Variants in ARHGEF3 observed in about 807,000 individuals in gnomAD.
ARHGEF3 encodes the protein 59.8 kDA protein.
In ARHGEF3, 28 loss-of-function variants were observed where a neutral mutation model predicts 63.2. That is an observed-to-expected ratio of 0.44 (90% confidence interval 0.33 to 0.61). ARHGEF3 has a LOEUF of 0.61. Among genes scored for constraint, ARHGEF3 ranks in the 20% least tolerant of loss-of-function variants. The probability of loss-of-function intolerance (pLI) is 0.03; values close to 1 mark genes in which losing one functional copy is unlikely to be tolerated. For missense variants in ARHGEF3, 533 were observed against 659.3 expected (o/e 0.81, Z 2.10); for synonymous variants, 266 against 254.2 (o/e 1.05, Z -0.44).
intron 4 of ARHGEF3, among the ~76,000 whole-genome samples, chr3:56,849,314 ATG>A (rs1309164596): frequency 1.3e-5 from 2 of 152,182 alleles, no homozygotes; most frequent in African/African-American, 4.8e-5. Context: ...TAAAAATTAC[ATG>A]TGTTTGATGA....
At chr3:56,953,071 C>T (rs1239973190) in intron 3 of ARHGEF3, among the ~76,000 whole-genome samples, 2 of 152,184 alleles carry the variant, frequency 1.3e-5, no homozygotes, top group East Asian at 1.9e-4. Context: ...TACTATCTAC[C>T]AGGCGGGACT....
intron 2 of ARHGEF3, among the ~76,000 whole-genome samples, chr3:57,016,507 C>T (rs969555646): frequency 6.6e-6 from 1 of 151,998 alleles, no homozygotes. Context: ...GAGATCGCAC[C>T]ACCGCACTCC....
At chr3:56,754,184 T>C (rs1180770311) in intron 3 of ARHGEF3, among the ~76,000 whole-genome samples, 11 of 151,990 alleles carry the variant, frequency 7.2e-5, no homozygotes, top group Non-Finnish European at 1.5e-4. Context: ...TGTGGAAGAG[T>C]AGGTAAATGG....
In ARHGEF3 at chr3:56,801,902, G is replaced by A; in HGVS notation, c.-104C>T. ...CAGCTCCACGATGCCGGGCGGCGGC[G>A]GCGACACGGAGACCGACAGCCGGCT... On this transcript the variant is annotated 5_prime_UTR_variant, in exon 1 of 10. Transcript: ENST00000296315. 1 of 1,545,586 alleles carries A rather than the reference G, an allele frequency of 6.5e-7. No individual in the cohort carries two copies. Among genetic ancestry groups the A allele is most frequent in the East Asian group, 2.4e-5 (1 of 40,878 alleles).
rs368918655 is a variant in ARHGEF3, at chr3:56,795,061, C to T, written c.96+6642G>A. 2.3e-4 allele frequency among the ~76,000 whole-genome samples: 34 copies of T among 149,884 alleles called. 1 individual carries two copies. In the South Asian group the frequency reaches 3.4e-3, roughly 15 times the overall value. On this transcript the variant is annotated intron_variant, in intron 1 of 9. Coordinates refer to ENST00000296315, the MANE Select transcript of ARHGEF3 (RefSeq NM_019555.3). ...TTTTTTTTTTTTAGAGATGGGGTCT[C>T]GCTGTGTTGCCCAGAATGGTCTCAA...
intron 2 of ARHGEF3, among the ~76,000 whole-genome samples, chr3:56,994,776 C>T (rs936947712): frequency 6.9e-6 from 1 of 144,992 alleles, no homozygotes; most frequent in Non-Finnish European, 1.5e-5. Context: ...GGAATGATGA[C>T]TGACTGATAT....
At chr3:56,762,182 C>T (rs1464505916) in intron 2 of ARHGEF3, among the ~76,000 whole-genome samples, 1 of 152,124 alleles carries the variant, frequency 6.6e-6, no homozygotes, top group Middle Eastern at 3.2e-3. Context: ...AAGAGGCCCA[C>T]CTCAAAGTGA....
At chr3:56,917,784 A>G (rs985553436) in intron 3 of ARHGEF3, among the ~76,000 whole-genome samples, 1 of 152,210 alleles carries the variant, frequency 6.6e-6, no homozygotes, top group African/African-American at 2.4e-5. Context: ...GTACTTTAAT[A>G]GGTCTGGAAG....
chr3:56,732,272 G>A lies in ARHGEF3; in HGVS notation c.1194C>T (p.Gly398=), dbSNP rs142595048. Residue 398 remains glycine (G), a synonymous_variant, in exon 9 of 10, where the codon GGC becomes GGT. Transcript: ENST00000296315. ...TGTTGCTGAATGCCCCTCGCAGGGAGCCACCCAGCCTCACTTCTCCATCCT... is the reference window on the plus strand; with the variant it reads ...TGTTGCTGAATGCCCCTCGCAGGGAACCACCCAGCCTCACTTCTCCATCCT... ...DLQDGEVRLG[G]SLRGAFSNNE... 778 of 1,614,058 alleles carry A rather than the reference G, an allele frequency of 4.8e-4. No homozygotes were observed. The highest frequency in any genetic ancestry group is 6.0e-4 in the Non-Finnish European group (703 of 1,180,042).
At chr3:56,812,983 A>G (rs566166425) in intron 4 of ARHGEF3, among the ~76,000 whole-genome samples, 1 of 152,352 alleles carries the variant, frequency 6.6e-6, no homozygotes, top group Admixed American at 6.5e-5. Context: ...TGTAAAGCCA[A>G]CATCATGTGG....
intron 1 of ARHGEF3, among the ~76,000 whole-genome samples, chr3:57,062,480 G>A (rs1055815723): frequency 6.6e-6 from 1 of 152,168 alleles, no homozygotes; most frequent in Non-Finnish European, 1.5e-5. Flanking sequence ...TCAGGAGCAT[G>A]GGGAAGCCTT....
chr3:57,075,747 T>A (rs1353753253), intron 1 of ARHGEF3, among the ~76,000 whole-genome samples: 7 of 152,090 alleles, frequency 4.6e-5, no homozygotes, highest in Non-Finnish European at 7.4e-5. Flanking sequence ...GAGGCAGATG[T>A]TGCAGTGAGC....
At chr3:57,062,389 C>G (rs1705271117) in intron 1 of ARHGEF3, among the ~76,000 whole-genome samples, 1 of 152,146 alleles carries the variant, frequency 6.6e-6, no homozygotes, top group African/African-American at 2.4e-5. Context: ...GGAGGGGAAC[C>G]ATGATAGGCC....
chr3:56,984,464 A>G (rs1286641029), intron 2 of ARHGEF3, among the ~76,000 whole-genome samples: 1 of 152,170 alleles, frequency 6.6e-6, no homozygotes, highest in East Asian at 1.9e-4. Context: ...GAGGTGGACA[A>G]GCCCCGCAAA....
rs1464963794 is a variant in ARHGEF3 at position 56,755,102 on chromosome 3, C to CG, written c.253dup (p.Arg85ProfsTer17). 2 of 1,613,842 alleles carry CG rather than the reference C, an allele frequency of 1.2e-6. No individual in the cohort carries two copies. Among genetic ancestry groups the CG allele is most frequent in the Admixed American group, 1.7e-5 (1 of 60,002 alleles). On this transcript the variant is annotated frameshift_variant, in exon 3 of 10. Transcript: ENST00000296315. LOFTEE classifies it high-confidence loss of function. Reference sequence around the variant, plus strand: ...GGGGGCGGCATTTCTGGACCAGGGTCGGGGGGCGAGGATGTCAGGGCGGCT... The same window carrying CG: ...GGGGGCGGCATTTCTGGACCAGGGTCGGGGGGGCGAGGATGTCAGGGCGGCT...
At chr3:56,935,901 T>A (rs1265837067) in intron 3 of ARHGEF3, among the ~76,000 whole-genome samples, 1 of 152,210 alleles carries the variant, frequency 6.6e-6, no homozygotes, top group Non-Finnish European at 1.5e-5. Context: ...AATAACCCTA[T>A]GAGCTACATA....
rs570306311 is a variant in ARHGEF3 at position 56,775,176 on chromosome 3, G to A, written c.97-1360C>T. 3.3e-6 allele frequency: 5 copies of A among 1,510,168 alleles called. No homozygotes were observed. The South Asian group carries it at 6.4e-5, about 19-fold the overall frequency. 93.5% of individuals were successfully genotyped at this position (1,510,168 alleles called of 1,614,324 possible). On this transcript the variant is annotated intron_variant, in intron 1 of 9. Coordinates refer to ENST00000296315, the MANE Select transcript of ARHGEF3 (RefSeq NM_019555.3). ...CAGCCATTGCTTTCAAAGTTTCGAGGGTTAAGGCAGAACTTCAGATTCTCC... is the reference window on the plus strand; with the variant it reads ...CAGCCATTGCTTTCAAAGTTTCGAGAGTTAAGGCAGAACTTCAGATTCTCC...
At chr3:56,907,266 C>T (rs982160705) in intron 3 of ARHGEF3, among the ~76,000 whole-genome samples, 2 of 152,164 alleles carry the variant, frequency 1.3e-5, no homozygotes, top group African/African-American at 4.8e-5. Context: ...CAGGCATGAG[C>T]CACGGCGCCT....
At chr3:57,027,372 C>T (rs1412338286) in intron 2 of ARHGEF3, among the ~76,000 whole-genome samples, 4 of 152,194 alleles carry the variant, frequency 2.6e-5, no homozygotes, top group Non-Finnish European at 5.9e-5. Context: ...TCCCAATGCC[C>T]ACCCTTCCAC....
Sources: allele counts gnomAD v4.1 joint callset (sites outside exome capture counted in the v4.1 genomes callset), GRCh38; gene constraint gnomAD v4.1.1; transcripts MANE v1.5; gene names NCBI Gene and HGNC (gene_info 2026-07-23, HGNC 2026-07-21).